The following PKD1 variants were observed in gnomAD, a reference collection of about 807,000 sequenced individuals.
PKD1 encodes polycystin 1, transient receptor potential channel interacting, also known as polycystin-1.
PKD1 carries 81 observed loss-of-function variants against 361.7 expected under a neutral mutation model. That is an observed-to-expected ratio of 0.22 (90% confidence interval 0.19 to 0.27). The LOEUF is 0.27. Among genes scored for constraint, PKD1 ranks in the 10% least tolerant of loss-of-function variants. PKD1 has a pLI of 1.00. For synonymous variants in PKD1, 3,615 were observed against 2,818.3 expected (o/e 1.28, Z -8.95); for missense variants, 6,399 against 6,118.3 (o/e 1.05, Z -1.53).
At position 2,090,737 on chromosome 16, in the gene PKD1, C is replaced by G. The variant is rs754786423; in HGVS notation, c.12075G>C (p.Glu4025Asp). The G allele has an allele frequency of 6.2e-6, 10 of 1,612,562 alleles. No individual in the cohort carries two copies. The East Asian group carries it at 2.2e-4, about 36-fold the overall frequency. Residue 4025 changes from glutamate (E) to aspartate (D), a missense_variant, in exon 44 of 46, where the codon GAG becomes GAC. Physicochemically the swap from Glu to Asp is conservative, Grantham distance 45 (BLOSUM62 2). Transcript: ENST00000262304. ...FGKTLCRALP[E>D]LLGVTLGLVV... ...CCAGGCCCAAGGTGACCCCCAGGAG[C>G]TCTGGCAGAGCTCGGCATAATGTCT...
intron 30 of PKD1, chr16:2,099,378 T>A: frequency 3.9e-6 from 2 of 514,282 alleles, no homozygotes; most frequent in South Asian, 3.9e-5. Context: ...TTGCTTCTTC[T>A]GAGTTATCTG....
At chr16:2,105,195 G>C (rs1009108203) in intron 21 of PKD1, 127 bp downstream of exon 21, 53 of 896,144 alleles carry the variant, frequency 5.9e-5, no homozygotes, top group Non-Finnish European at 8.7e-5. Context: ...ACCGAGGAAC[G>C]CCATGGCAGG....
intron 1 of PKD1, among the ~76,000 whole-genome samples, chr16:2,121,806 T>A (rs1480550898): frequency 6.6e-6 from 1 of 152,134 alleles, no homozygotes; most frequent in African/African-American, 2.4e-5. Context: ...CCCCGAGGCC[T>A]CACCTCCTGC....
rs752769195 is a variant in PKD1, at chr16:2,110,684, G to A, written c.4483C>T (p.Pro1495Ser). The part of the protein sequence containing the change: ...YLFSAVGRGR[P>S]ASYLWDLGDG... The stretch of plus-strand genomic sequence containing the variant: ...CCCAGATCCCACAGGTAGCTGGCGG[G>A]GCGCCCACGGCCCACAGCAGAGAAC... Residue 1495 changes from proline (P) to serine (S), a missense_variant, in exon 15 of 46, where the codon CCC becomes TCC. By Grantham distance (74) the Pro-to-Ser change is moderately conservative. Transcript: ENST00000262304. 7 of 1,610,212 alleles carry A rather than the reference G, an allele frequency of 4.3e-6. No homozygotes were observed. Among genetic ancestry groups the A allele is most frequent in the Non-Finnish European group, 5.9e-6 (7 of 1,179,542 alleles).
rs1274253486 is a variant in PKD1 at position 2,100,855 on chromosome 16, C to T, written c.9398-289G>A. On this transcript the variant is annotated intron_variant, in intron 26 of 45. Transcript: ENST00000262304. This position sits in a 1 kb window ranked among gnomAD's most constrained non-coding sequence, Gnocchi z 4.4. ...ACCACAACCAGTGACCCGCACTGCA[C>T]ACCTGTCCACGCCTCAGTCATGCCA... The T allele has an allele frequency of 9.9e-6, 5 of 504,058 alleles. No homozygotes were observed. Among genetic ancestry groups the T allele is most frequent in the African/African-American group, 1.9e-5 (1 of 51,554 alleles). 31.2% of individuals were successfully genotyped at this position (504,058 alleles called of 1,614,324 possible).
At chr16:2,119,680 C>G (rs1452406272) in intron 1 of PKD1, 2 of 608,846 alleles carry the variant, frequency 3.3e-6, no homozygotes, top group East Asian at 2.7e-5. Context: ...ACCCATCCCA[C>G]GCAGGGCCAA....
At chr16:2,105,761 T>C (rs1396381128) in intron 20 of PKD1, 104 bp downstream of exon 20, 7 of 1,374,762 alleles carry the variant, frequency 5.1e-6, no homozygotes, top group Admixed American at 3.5e-5. Context: ...GATTTATCTC[T>C]GGGGCCCGGG....
intron 30 of PKD1, chr16:2,098,705 A>ATGGGAAGCGTTCCCACC (rs2091958013): frequency 6.9e-6 from 1 of 145,348 alleles, no homozygotes; most frequent in Non-Finnish European, 1.5e-5. Context: ...TTCCGTATGA[A>ATGGGAAGCGTTCCCACC]TGGGAAGCGT....
At position 2,110,341 on chromosome 16, in the gene PKD1, A is replaced by G. The variant is rs753696579; in HGVS notation, c.4826T>C (p.Ile1609Thr). Residue 1609 changes from isoleucine (I) to threonine (T), a missense_variant, in exon 15 of 46, where the codon ATC (isoleucine) becomes ACC (threonine). Transcript: ENST00000262304. ...YTFRSVGTFN[I>T]IVTAENEVGS... ...CACCTCGTTCTCAGCCGTGACGATG[A>G]TATTGAAGGTGCCCACGGAGCGGAA... 1.9e-6 allele frequency: 3 copies of G among 1,612,658 alleles called. No individual in the cohort carries two copies. In the Admixed American group the frequency reaches 5.0e-5, roughly 27 times the overall value.
At position 2,108,478 on chromosome 16, in the gene PKD1, A is replaced by C; in HGVS notation, c.6689T>G (p.Phe2230Cys). ...GTCCCCAAATGACACGACAAACACA[A>C]AGCAGTAGTGCCCCACAGGCAGCGC... ...RLALPVGHYC[F>C]VFVVSFGDTP... Residue 2230 changes from phenylalanine (F) to cysteine (C), a missense_variant, in exon 15 of 46, where the codon TTT (phenylalanine) becomes TGT (cysteine). By Grantham distance (205) the Phe-to-Cys change is radical. Coordinates refer to ENST00000262304, the MANE Select transcript of PKD1 (RefSeq NM_001009944.3). The C allele has an allele frequency of 6.2e-7, 1 of 1,610,446 alleles. No individual in the cohort carries two copies. Among genetic ancestry groups the C allele is most frequent in the Non-Finnish European group, 8.5e-7 (1 of 1,179,706 alleles).
chr16:2,097,833 C>G, intron 31 of PKD1, 35 bp downstream of exon 31: 1 of 1,608,342 alleles, frequency 6.2e-7, no homozygotes, highest in Non-Finnish European at 8.5e-7. Context: ...GGCAGGACCC[C>G]CAGCCCAGCC....
intron 39 of PKD1, 140 bp downstream of exon 39, chr16:2,092,340 T>C (rs2091632122): frequency 2.0e-6 from 2 of 991,990 alleles, no homozygotes; most frequent in East Asian, 2.6e-5. Context: ...CCATCTCTCA[T>C]ATACAGAGAA....
At position 2,100,315 on chromosome 16, in the gene PKD1, G is replaced by C; in HGVS notation, c.9569-6C>G. Reference sequence around the variant, plus strand: ...GAACCAGGCAGGGCTGAGCCCTGCAGAGGCGCAGGAGGGAGGTCAGGCTCG... The same window carrying C: ...GAACCAGGCAGGGCTGAGCCCTGCACAGGCGCAGGAGGGAGGTCAGGCTCG... On this transcript the variant is annotated splice_region_variant and splice_polypyrimidine_tract_variant and intron_variant, in intron 27 of 45. Transcript: ENST00000262304. The surrounding 1 kb of genome is among the most constrained non-coding windows in gnomAD (Gnocchi z 4.4). The C allele has an allele frequency of 6.2e-7, 1 of 1,610,108 alleles. No homozygotes were observed. The highest frequency in any genetic ancestry group is 2.3e-4 in the Middle Eastern group (1 of 4,428).
rs748496650 is a variant in PKD1 at position 2,105,398 on chromosome 16, G to A, written c.7940C>T (p.Thr2647Met). 74 of 1,585,328 alleles carry A rather than the reference G, an allele frequency of 4.7e-5. No homozygotes were observed. The highest frequency in any genetic ancestry group is 5.8e-5 in the Non-Finnish European group (68 of 1,171,812). ...GACCCTCAGGGACACCAGAGTCTCCGTGATGTTCTTGCGTATCTGGGCTCG... is the reference window on the plus strand; with the variant it reads ...GACCCTCAGGGACACCAGAGTCTCCATGATGTTCTTGCGTATCTGGGCTCG... Reference protein sequence around the residue: ...QHRAQIRKNITETLVSLRVHT... With the variant: ...QHRAQIRKNIMETLVSLRVHT... Residue 2647 changes from threonine to methionine, a missense_variant, in exon 21 of 46, where the codon ACG becomes ATG. Transcript: ENST00000262304.
chr16:2,133,314 G>T (rs2092911550), intron 1 of PKD1: 1 of 148,218 alleles, frequency 6.7e-6, no homozygotes, highest in African/African-American at 2.6e-5. Flanking sequence ...GGCCTCAGAA[G>T]CCCCGGCTGT....
In PKD1 at chr16:2,119,308, G is replaced by C; in HGVS notation, c.286C>G (p.Leu96Val). 1 of 1,219,118 alleles carries C rather than the reference G, an allele frequency of 8.2e-7. No homozygotes were observed. Among genetic ancestry groups the C allele is most frequent in the Non-Finnish European group, 1.2e-6 (1 of 859,046 alleles). The allele number at this position is 1,219,118 out of a possible 1,614,324, so 75.5% of individuals were successfully genotyped here. A position where few individuals can be genotyped will look rare whatever the true frequency, so the allele number is the denominator to read the frequency against. Residue 96 changes from leucine (L) to valine (V), a missense_variant and splice_region_variant, in exon 2 of 46, where the codon CTG becomes GTG. By Grantham distance (32) the Leu-to-Val change is conservative. Transcript: ENST00000262304. The part of the protein sequence containing the change: ...LLANLSALAE[L>V]DISNNKISTL... ...CTGGCACGACTGGGGGACACTCACAGCTCTGCCAGCGCCGAGAGGTTCGCC... is the reference window on the plus strand; with the variant it reads ...CTGGCACGACTGGGGGACACTCACACCTCTGCCAGCGCCGAGAGGTTCGCC...
intron 1 of PKD1, among the ~76,000 whole-genome samples, chr16:2,127,819 G>A (rs914313982): frequency 4.7e-5 from 7 of 150,214 alleles, no homozygotes; most frequent in African/African-American, 1.7e-4. Flanking sequence ...ACTCCAGGGC[G>A]CAAATTCCCT....
At position 2,103,305 on chromosome 16, in the gene PKD1, C is replaced by T. The variant is rs2092179340; in HGVS notation, c.8752G>A (p.Ala2918Thr). 1.2e-6 allele frequency: 2 copies of T among 1,608,978 alleles called. No homozygotes were observed. Among genetic ancestry groups the T allele is most frequent in the Non-Finnish European group, 1.7e-6 (2 of 1,179,684 alleles). Residue 2918 changes from alanine (A) to threonine (T), a missense_variant, in exon 23 of 46, where the codon GCC (alanine) becomes ACC (threonine). Physicochemically the swap from Ala to Thr is moderately conservative, Grantham distance 58. Coordinates refer to ENST00000262304, the MANE Select transcript of PKD1 (RefSeq NM_001009944.3). ...VVTLDSSNPAAGLHLQLNYTL... is the reference protein window; with the variant it reads ...VVTLDSSNPATGLHLQLNYTL... ...TAGTTGAGCTGCAGATGCAGCCCGGCCGCAGGGTTGCTGCTGTCCAGGGTG... is the reference window on the plus strand; with the variant it reads ...TAGTTGAGCTGCAGATGCAGCCCGGTCGCAGGGTTGCTGCTGTCCAGGGTG...
At position 2,109,257 on chromosome 16, in the gene PKD1, G is replaced by T. The variant is rs771127809; in HGVS notation, c.5910C>A (p.Ala1970=). 1.1e-5 allele frequency: 17 copies of T among 1,585,266 alleles called. No homozygotes were observed. The Admixed American group carries it at 1.7e-4, about 16-fold the overall frequency. Reference sequence around the variant, plus strand: ...AGTTGGGCACCTGCAGCCCACTCACGGCCTCCAGCACCACGATGCGCACCT... The same window carrying T: ...AGTTGGGCACCTGCAGCCCACTCACTGCCTCCAGCACCACGATGCGCACCT... The part of the protein sequence containing the change: ...QAQVRIVVLE[A]VSGLQVPNCC... The change falls in exon 15 of 46, where the codon GCC becomes GCA. Residue 1970 remains alanine, a synonymous_variant. Coordinates refer to ENST00000262304, the MANE Select transcript of PKD1 (RefSeq NM_001009944.3).
Sources: allele counts gnomAD v4.1 joint callset (sites outside exome capture counted in the v4.1 genomes callset), GRCh38; gene constraint gnomAD v4.1.1; non-coding constraint Gnocchi (gnomAD v3.1); transcripts MANE v1.5; gene names NCBI Gene and HGNC (gene_info 2026-07-23, HGNC 2026-07-21).